Variants in FAM200A observed in about 807,000 individuals in gnomAD.
FAM200A encodes protein FAM200A.
A neutral mutation model predicts 44.2 loss-of-function variants in FAM200A; 26 were observed. The observed-to-expected ratio is 0.59, with a 90% CI of 0.43 to 0.82. FAM200A has a LOEUF of 0.82. Ranked by LOEUF, FAM200A falls within the 40% of genes least tolerant of loss-of-function variation. The pLI is 0.00. For synonymous variants in FAM200A, 206 were observed against 244.4 expected, an observed-to-expected ratio of 0.84 and a Z score of 1.47; for missense variants, 606 against 669.5, an observed-to-expected ratio of 0.91 and a Z score of 1.05.
intron 1 of FAM200A, among the ~76,000 whole-genome samples, chr7:99,549,907 G>A (rs1359520132): frequency 6.6e-6 from 1 of 152,042 alleles, no homozygotes; most frequent in Non-Finnish European, 1.5e-5. Flanking sequence ...CATGGGGTGG[G>A]GGAAGTGGGG....
At chr7:99,556,757 T>C (rs1185146818), upstream of FAM200A, among the ~76,000 whole-genome samples, 1 of 152,126 alleles carries the variant, frequency 6.6e-6, no homozygotes, top group Admixed American at 6.5e-5. Flanking sequence ...CAAAACAGGC[T>C]CGGTGCAGTG....
Position 99,551,978 on chromosome 7 carries a change from C to G in FAM200A, c.-224G>C. The G allele has an allele frequency of 1.0e-6, 1 of 985,534 alleles. No homozygotes were observed. The highest frequency in any genetic ancestry group is 1.2e-6 in the Non-Finnish European group (1 of 829,986). The allele number at this position is 985,534 out of a possible 1,614,324, so 61.0% of individuals were successfully genotyped here. A position where few individuals can be genotyped will look rare whatever the true frequency, so the allele number is the denominator to read the frequency against. ...GTCGTGGCGAGGGGATTGCAGGACA[C>G]AGCCATGCACGTCCAACTCTGTCCC... On this transcript the variant is annotated 5_prime_UTR_variant, in exon 1 of 2. Coordinates refer to ENST00000449309, the MANE Select transcript of FAM200A (RefSeq NM_145111.4).
chr7:99,550,103 T>A (rs750973247), intron 1 of FAM200A, among the ~76,000 whole-genome samples: 1 of 151,790 alleles, frequency 6.6e-6, no homozygotes, highest in South Asian at 2.1e-4. Flanking sequence ...CTGACTTTAC[T>A]AAATGAACCC....
At chr7:99,552,231 A>C (rs1802554530), upstream of FAM200A, 1 of 952,208 alleles carries the variant, frequency 1.1e-6, no homozygotes. Context: ...GGGTTTGGGG[A>C]TCTTGCTCCT....
chr7:99,546,401 C>T lies in FAM200A; in HGVS notation c.*285G>A, dbSNP rs961192126. On this transcript the variant is annotated 3_prime_UTR_variant, in exon 2 of 2. Coordinates refer to ENST00000449309, the MANE Select transcript of FAM200A (RefSeq NM_145111.4). ...TTTTTTTTTTTGAGATGAAGTCTCA[C>T]GCTGTTGCCCAGGCTGGAATGCAGT... 27 of 292,262 alleles carry T rather than the reference C, an allele frequency of 9.2e-5. No individual in the cohort carries two copies. The highest frequency in any genetic ancestry group is 5.4e-4 in the African/African-American group (25 of 45,918). 18.1% of individuals were successfully genotyped at this position (292,262 alleles called of 1,614,324 possible).
chr7:99,554,478 C>CAAAAA (rs397889799), upstream of FAM200A, among the ~76,000 whole-genome samples: 4 of 52,166 alleles, frequency 7.7e-5, no homozygotes, highest in Admixed American at 2.1e-4. Context: ...GACTCCGTCT[C>CAAAAA]AAAAAAAAAA....
chr7:99,551,637 T>C (rs1802534033), intron 1 of FAM200A, among the ~76,000 whole-genome samples: 1 of 152,170 alleles, frequency 6.6e-6, no homozygotes, highest in Non-Finnish European at 1.5e-5. Flanking sequence ...GCCAGAATTT[T>C]ACAACTCGGG....
At chr7:99,552,221 G>A (rs548873116), upstream of FAM200A, 13 of 970,948 alleles carry the variant, frequency 1.3e-5, 1 homozygote, top group Middle Eastern at 5.2e-4. Flanking sequence ...CTCTAATCTC[G>A]GGTTTGGGGA....
chr7:99,547,499 C>G lies in FAM200A; in HGVS notation c.909G>C (p.Trp303Cys). The change falls in exon 2 of 2, where the codon TGG becomes TGC. Residue 303 changes from tryptophan (W) to cysteine (C), a missense_variant. By Grantham distance (215) the Trp-to-Cys change is radical. Coordinates refer to ENST00000449309, the MANE Select transcript of FAM200A (RefSeq NM_145111.4). Reference sequence around the variant, plus strand: ...TGCTCAATACTTTTCCTTGAGAAAGCCAACGAACTTCTGTATGAAACAATA... The same window carrying G: ...TGCTCAATACTTTTCCTTGAGAAAGGCAACGAACTTCTGTATGAAACAATA... ...THLLFHTEVR[W>C]LSQGKVLSRV... 2.6e-6 allele frequency: 4 copies of G among 1,549,394 alleles called. No homozygotes were observed. Among genetic ancestry groups the G allele is most frequent in the Non-Finnish European group, 3.5e-6 (4 of 1,145,800 alleles).
At position 99,551,863 on chromosome 7, in the gene FAM200A, G is replaced by A. The variant is rs1802539746; in HGVS notation, c.-109C>T. On this transcript the variant is annotated 5_prime_UTR_variant, in exon 1 of 2. Transcript: ENST00000449309. ...TTCGTTCCCTTCCCACCTGTATCCA[G>A]GGACACCTCTGCTGGGGGACAGCGC... 1 of 985,432 alleles carries A rather than the reference G, an allele frequency of 1.0e-6. No homozygotes were observed. The highest frequency in any genetic ancestry group is 1.2e-6 in the Non-Finnish European group (1 of 830,032). The allele number at this position is 985,432 out of a possible 1,614,324, so 61.0% of individuals were successfully genotyped here. A position where few individuals can be genotyped will look rare whatever the true frequency, so the allele number is the denominator to read the frequency against.
rs1262959350 is a variant in FAM200A at position 99,547,201 on chromosome 7, A to G, written c.1207T>C (p.Leu403=). 6.5e-7 allele frequency: 1 copy of G among 1,549,542 alleles called. No homozygotes were observed. Among genetic ancestry groups the G allele is most frequent in the Non-Finnish European group, 8.7e-7 (1 of 1,146,506 alleles). The stretch of plus-strand genomic sequence containing the variant: ...ATAATGTTCTCTTCGATGTGTTGCA[A>G]TAATGTTGGAAACATATAGTAGCTA... ...RPSYYMFPTL[L]QHIEENIINE... The change falls in exon 2 of 2, where the codon TTG becomes CTG. Residue 403 remains leucine (L), a synonymous_variant. Transcript: ENST00000449309.
chr7:99,548,597 T>C (rs1802446740), intron 1 of FAM200A, 91 bp from the exon 2 acceptor site: 6 of 1,072,976 alleles, frequency 5.6e-6, no homozygotes, highest in African/African-American at 3.2e-5. Context: ...CTAAATCTAG[T>C]GGTGTGACAT....
chr7:99,552,629 T>C (rs1449299307), upstream of FAM200A, among the ~76,000 whole-genome samples: 1 of 152,174 alleles, frequency 6.6e-6, no homozygotes, highest in African/African-American at 2.4e-5. Context: ...GTGAAATAAG[T>C]TGAATTTGAG....
In FAM200A at chr7:99,546,848, G is replaced by A. The variant is rs907022122; in HGVS notation, c.1560C>T (p.Phe520=). Residue 520 remains phenylalanine, a synonymous_variant, in exon 2 of 2, where the codon TTC becomes TTT. Transcript: ENST00000449309. ...CTAGTTCACACAAATATGTAGTTGT[G>A]AATGGTAGTAACAGCAATATACTCT... The part of the protein sequence containing the change: ...SRKSILLLLP[F]TTTYLCELGF... 1.9e-6 allele frequency: 3 copies of A among 1,551,490 alleles called. No individual in the cohort carries two copies. Among genetic ancestry groups the A allele is most frequent in the Non-Finnish European group, 8.7e-7 (1 of 1,146,964 alleles).
upstream of FAM200A, among the ~76,000 whole-genome samples, chr7:99,552,934 G>C (rs1270193855): frequency 6.7e-6 from 1 of 150,250 alleles, no homozygotes; most frequent in Non-Finnish European, 1.5e-5. Flanking sequence ...ACCTACCCAC[G>C]AGTCTTCTCA....
chr7:99,547,171 C>T lies in FAM200A; in HGVS notation c.1237G>A (p.Glu413Lys), dbSNP rs765867962. The T allele has an allele frequency of 1.3e-6, 2 of 1,547,486 alleles. No individual in the cohort carries two copies. Among genetic ancestry groups the T allele is most frequent in the Admixed American group, 2.0e-5 (1 of 50,268 alleles). ...AATTTTATTTCTTTTAAGCAGTCTTCATTAATAATGTTCTCTTCGATGTGT... is the reference window on the plus strand; with the variant it reads ...AATTTTATTTCTTTTAAGCAGTCTTTATTAATAATGTTCTCTTCGATGTGT... ...LQHIEENIIN[E>K]DCLKEIKLEI... is the part of the protein sequence containing the mutation. Residue 413 changes from glutamate to lysine, a missense_variant, in exon 2 of 2, where the codon GAA becomes AAA. Coordinates refer to ENST00000449309, the MANE Select transcript of FAM200A (RefSeq NM_145111.4).
upstream of FAM200A, among the ~76,000 whole-genome samples, chr7:99,553,939 C>T (rs371012253): frequency 2.0e-4 from 31 of 152,318 alleles, 1 homozygote; most frequent in South Asian, 3.9e-3. Context: ...TCAGGTATGT[C>T]AATGGATAAG....
At chr7:99,553,050 C>CATATATAT (rs1293096944), upstream of FAM200A, among the ~76,000 whole-genome samples, 106 of 115,678 alleles carry the variant, frequency 9.2e-4, no homozygotes, top group African/African-American at 3.4e-3. Flanking sequence ...TATACACACA[C>CATATATAT]ATATATATAT....
chr7:99,546,839 T>G lies in FAM200A; in HGVS notation c.1569A>C (p.Thr523=), dbSNP rs1802397942. 1.3e-6 allele frequency: 2 copies of G among 1,551,540 alleles called. No individual in the cohort carries two copies. The highest frequency in any genetic ancestry group is 2.4e-5 in the South Asian group (2 of 84,034). The change falls in exon 2 of 2, where the codon ACA becomes ACC. Residue 523 remains threonine (T), a synonymous_variant. Transcript: ENST00000449309. The part of the protein sequence containing the change: ...SILLLLPFTT[T]YLCELGFSIL... ...TTGAAAATCCTAGTTCACACAAATA[T>G]GTAGTTGTGAATGGTAGTAACAGCA...
Sources: allele counts gnomAD v4.1 joint callset (sites outside exome capture counted in the v4.1 genomes callset), GRCh38; gene constraint gnomAD v4.1.1; transcripts MANE v1.5; gene names NCBI Gene and HGNC (gene_info 2026-07-23, HGNC 2026-07-21).